NPNT: variants seen among roughly 807,000 people sequenced by gnomAD.
NPNT encodes the protein preosteoblast EGF-like repeat protein with MAM domain.
A neutral mutation model predicts 68.6 loss-of-function variants in NPNT; 45 were observed. The ratio of observed to expected loss-of-function variants is 0.66; its 90% CI spans 0.52 to 0.84. The LOEUF is 0.84. NPNT is among the 40% of genes least tolerant of loss of function. The pLI is 0.00. For synonymous variants in NPNT, 233 were observed against 253.3 expected (o/e 0.92, Z 0.76); for missense variants, 672 against 714.8 (o/e 0.94, Z 0.68).
chr4:105,942,136 T>TACACACAGAC (rs1553982748), intron 7 of NPNT, among the ~76,000 whole-genome samples, 171 bp from the exon 8 acceptor site: 2 of 147,784 alleles, frequency 1.4e-5, no homozygotes, highest in African/African-American at 2.5e-5. Flanking sequence ...TATATATATA[T>TACACACAGAC]ACACACATAT....
At chr4:105,965,699 T>A (rs1391949084) in intron 10 of NPNT, among the ~76,000 whole-genome samples, 2 of 152,130 alleles carry the variant, frequency 1.3e-5, no homozygotes. Context: ...ATTGTTTGGA[T>A]TAGTTTGTGG....
chr4:105,933,010 A>G (rs1208652370), intron 3 of NPNT, among the ~76,000 whole-genome samples: 2 of 152,208 alleles, frequency 1.3e-5, no homozygotes, highest in Non-Finnish European at 2.9e-5. Context: ...AGGAGTTCCA[A>G]AGCAACTGAA....
intron 9 of NPNT, 105 bp downstream of exon 9, chr4:105,958,662 C>CGT (rs1731437056): frequency 1.7e-6 from 1 of 582,248 alleles, no homozygotes; most frequent in Non-Finnish European, 2.9e-6. Context: ...AAAATTACAC[C>CGT]TGTTTTCTTT....
intron 9 of NPNT, 45 bp downstream of exon 9, chr4:105,958,602 TTCTC>T (rs1731431168): frequency 9.2e-7 from 1 of 1,092,384 alleles, no homozygotes; most frequent in Non-Finnish European, 1.3e-6. Flanking sequence ...ATTTTATTGT[TTCTC>T]TCCATGAAAA....
chr4:105,913,283 A>G (rs1318742238), intron 2 of NPNT, among the ~76,000 whole-genome samples: 1 of 152,220 alleles, frequency 6.6e-6, no homozygotes, highest in Non-Finnish European at 1.5e-5. Flanking sequence ...TAGAAATAGA[A>G]GTTCAGAAAT....
chr4:105,957,865 C>T (rs971862550), intron 8 of NPNT, among the ~76,000 whole-genome samples: 2 of 152,124 alleles, frequency 1.3e-5, no homozygotes, highest in African/African-American at 4.8e-5. Flanking sequence ...AAATGAATGG[C>T]ATGTTTGGAC....
At chr4:105,909,880 C>T (rs988201285) in intron 2 of NPNT, among the ~76,000 whole-genome samples, 18 of 152,150 alleles carry the variant, frequency 1.2e-4, no homozygotes, top group Non-Finnish European at 2.2e-4. Flanking sequence ...GTGTGTCATG[C>T]TGTGCTGCTT....
rs1348603165 is a variant in NPNT at position 105,970,534 on chromosome 4, G to A, written c.*1544G>A. On this transcript the variant is annotated 3_prime_UTR_variant, in exon 12 of 12. Coordinates refer to ENST00000379987, the MANE Select transcript of NPNT (RefSeq NM_001033047.3). The stretch of plus-strand genomic sequence containing the variant: ...GAAGGGTTGGCACAGAGAGGGTGGC[G>A]ACCAGCTGTTCTCCATATGCACTAA... 8.8e-6 allele frequency: 6 copies of A among 683,224 alleles called. No individual in the cohort carries two copies. In the Admixed American group the frequency reaches 1.0e-4, roughly 12 times the overall value. The allele number at this position is 683,224 out of a possible 1,614,324, so 42.3% of individuals were successfully genotyped here. A position where few individuals can be genotyped will look rare whatever the true frequency, so the allele number is the denominator to read the frequency against.
chr4:105,942,829 T>C (rs971186113), intron 8 of NPNT, 127 bp downstream of exon 8: 15 of 831,930 alleles, frequency 1.8e-5, no homozygotes, highest in Non-Finnish European at 2.8e-5. Flanking sequence ...TATGTCCCTA[T>C]TGACAAATAT....
intron 3 of NPNT, among the ~76,000 whole-genome samples, chr4:105,934,651 G>A (rs968333906): frequency 3.3e-5 from 5 of 152,170 alleles, no homozygotes; most frequent in Admixed American, 6.5e-5. Context: ...TGCTTTCCAT[G>A]TTTTGGATAC....
intron 2 of NPNT, among the ~76,000 whole-genome samples, chr4:105,916,137 C>CT (rs1727800875): frequency 1.3e-5 from 2 of 151,824 alleles, no homozygotes; most frequent in African/African-American, 4.8e-5. Context: ...TTTTGGTTGC[C>CT]TTTTTTTGTT....
At chr4:105,924,042 C>G (rs371125642) in intron 2 of NPNT, among the ~76,000 whole-genome samples, 2 of 151,448 alleles carry the variant, frequency 1.3e-5, no homozygotes, top group African/African-American at 2.4e-5. Context: ...TTGCTGCGCC[C>G]CCCCCCCACC....
At chr4:105,898,313 T>C (rs1726067619) in intron 2 of NPNT, among the ~76,000 whole-genome samples, 1 of 122,202 alleles carries the variant, frequency 8.2e-6, no homozygotes, top group African/African-American at 4.0e-5. Flanking sequence ...TCTCTCTCTG[T>C]CTCTCTCTCT....
chr4:105,970,589 TAG>T lies in NPNT; in HGVS notation c.*1602_*1603del, dbSNP rs1732496945. On this transcript the variant is annotated 3_prime_UTR_variant, in exon 12 of 12. Transcript: ENST00000379987. ...AGAACAAGAGGAAACTGGCTTAGAC[TAG>T]AGTATAAGGGAGCATTTCTTGGCAG... 1 of 673,736 alleles carries T rather than the reference TAG, an allele frequency of 1.5e-6. No individual in the cohort carries two copies. The highest frequency in any genetic ancestry group is 1.5e-5 in the South Asian group (1 of 66,444). 41.7% of individuals were successfully genotyped at this position (673,736 alleles called of 1,614,324 possible). A position where few individuals can be genotyped will look rare whatever the true frequency, so the allele number is the denominator to read the frequency against.
chr4:105,936,219 A>C (rs572797475), intron 3 of NPNT, among the ~76,000 whole-genome samples: 3 of 152,336 alleles, frequency 2.0e-5, no homozygotes, highest in Non-Finnish European at 4.4e-5. Context: ...TTTGTCCATT[A>C]GTGTTTCCAT....
In NPNT at chr4:105,967,416, T is replaced by A; in HGVS notation, c.1574T>A (p.Ile525Asn). Residue 525 changes from isoleucine (I) to asparagine (N), a missense_variant, in exon 11 of 12, where the codon ATC becomes AAC. Ile to Asn is a moderately radical substitution (Grantham distance 149). Coordinates refer to ENST00000379987, the MANE Select transcript of NPNT (RefSeq NM_001033047.3). ...GGCCATGGCTGGAGGCAAACACAGA[T>A]CACCTTGCGAGGGGCTGACATCAAG... is the stretch of plus-strand genomic sequence containing the variant. ...NGGHGWRQTQITLRGADIKSV... is the reference protein window; with the variant it reads ...NGGHGWRQTQNTLRGADIKSV... 1.3e-6 allele frequency: 2 copies of A among 1,599,502 alleles called. No individual in the cohort carries two copies. Among genetic ancestry groups the A allele is most frequent in the South Asian group, 1.1e-5 (1 of 88,028 alleles).
At chr4:105,923,130 C>T (rs943594356) in intron 2 of NPNT, among the ~76,000 whole-genome samples, 3 of 152,088 alleles carry the variant, frequency 2.0e-5, no homozygotes, top group African/African-American at 7.2e-5. Flanking sequence ...AAGGGATGAC[C>T]TACTATTCAC....
chr4:105,927,160 A>ATG (rs201417172), intron 2 of NPNT, 176 bp from the exon 3 acceptor site: 12 of 485,222 alleles, frequency 2.5e-5, no homozygotes, highest in East Asian at 6.5e-5. Flanking sequence ...TACATAACAC[A>ATG]TGTGTGTGTG....
chr4:105,917,639 A>G (rs1043857691), intron 2 of NPNT, among the ~76,000 whole-genome samples: 2 of 152,202 alleles, frequency 1.3e-5, no homozygotes, highest in African/African-American at 4.8e-5. Context: ...AAAGCACTGA[A>G]GAGGGTATGA....
Sources: allele counts gnomAD v4.1 joint callset (sites outside exome capture counted in the v4.1 genomes callset), GRCh38; gene constraint gnomAD v4.1.1; transcripts MANE v1.5; gene names NCBI Gene and HGNC (gene_info 2026-07-23, HGNC 2026-07-21).